Variants in GARNL3 observed in about 807,000 individuals in gnomAD.
The protein encoded by GARNL3 is GTPase-activating Rap/Ran-GAP domain-like protein 3.
GARNL3 carries 63 observed loss-of-function variants against 125.0 expected under a neutral mutation model. That is an observed-to-expected ratio of 0.50 (90% confidence interval 0.41 to 0.62). The LOEUF (loss-of-function observed/expected upper bound fraction) is 0.62. GARNL3 is among the 20% of genes least tolerant of loss of function. GARNL3 has a pLI of 0.00. For synonymous variants in GARNL3, 439 were observed against 457.5 expected, an observed-to-expected ratio of 0.96 and a Z score of 0.52; for missense variants, 994 against 1,244.0, an observed-to-expected ratio of 0.80 and a Z score of 3.02.
chr9:127,279,428 T>C (rs1173349561), intron 1 of GARNL3, among the ~76,000 whole-genome samples: 1 of 152,184 alleles, frequency 6.6e-6, no homozygotes, highest in Admixed American at 6.5e-5. Context: ...TCTTTTTATT[T>C]TCATTTTGTT....
At chr9:127,377,336 C>T (rs1831973713) in intron 22 of GARNL3, among the ~76,000 whole-genome samples, 1 of 151,998 alleles carries the variant, frequency 6.6e-6, no homozygotes, top group Non-Finnish European at 1.5e-5. Context: ...GACAATTGGA[C>T]AAACTTTTGG....
At chr9:127,261,989 T>A (rs1431515076), upstream of GARNL3, among the ~76,000 whole-genome samples, 1 of 152,230 alleles carries the variant, frequency 6.6e-6, no homozygotes, top group Non-Finnish European at 1.5e-5. Context: ...CCACTTTCCC[T>A]AGATCTGCAG....
chr9:127,253,627 G>A (rs1274813172), intron 2 of GARNL3, among the ~76,000 whole-genome samples: 1 of 152,160 alleles, frequency 6.6e-6, no homozygotes, highest in African/African-American at 2.4e-5. Flanking sequence ...GGGCAGCTCA[G>A]CAAATGAAAG....
At chr9:127,260,364 A>T (rs779525367), upstream of GARNL3, among the ~76,000 whole-genome samples, 13 of 152,234 alleles carry the variant, frequency 8.5e-5, no homozygotes. Context: ...ATCACAGATT[A>T]ACTGACTTAC....
chr9:127,235,593 T>A (rs1440539903), intron 1 of GARNL3, among the ~76,000 whole-genome samples: 7 of 152,170 alleles, frequency 4.6e-5, no homozygotes, highest in African/African-American at 1.7e-4. Flanking sequence ...GGATACATAA[T>A]GTGATTGACA....
chr9:127,233,132 G>C (rs190564417), intron 1 of GARNL3, among the ~76,000 whole-genome samples: 1 of 152,094 alleles, frequency 6.6e-6, no homozygotes, highest in Non-Finnish European at 1.5e-5. Flanking sequence ...GCTGAGATGA[G>C]AGGATCACTA....
chr9:127,352,702 A>T lies in GARNL3; in HGVS notation c.1544-1144A>T, dbSNP rs150208766. Among the ~76,000 whole-genome samples, 13 of 152,258 alleles carry T rather than the reference A, an allele frequency of 8.5e-5. No homozygotes were observed. In the East Asian group the frequency reaches 2.5e-3, roughly 29 times the overall value. On this transcript the variant is annotated intron_variant, in intron 17 of 27. Coordinates refer to ENST00000373387, the MANE Select transcript of GARNL3 (RefSeq NM_032293.5). ...ATCTGAGCCCTCAGAGGCCTGCAGGAGTGGGAGCTCCTCTCCCCACTGTGG... is the reference window on the plus strand; with the variant it reads ...ATCTGAGCCCTCAGAGGCCTGCAGGTGTGGGAGCTCCTCTCCCCACTGTGG...
chr9:127,252,255 G>A (rs1337751795), intron 2 of GARNL3, among the ~76,000 whole-genome samples: 2 of 152,114 alleles, frequency 1.3e-5, no homozygotes, highest in East Asian at 3.9e-4. Context: ...AACTAAGAGG[G>A]TAGAGGAAAA....
Position 127,286,502 on chromosome 9 carries a change from C to T in GARNL3, c.145-4666C>T, listed in dbSNP as rs368108332. Among the ~76,000 whole-genome samples, 13 of 152,316 alleles carry T rather than the reference C, an allele frequency of 8.5e-5. No homozygotes were observed. The South Asian group carries it at 1.0e-3, about 12-fold the overall frequency. Reference sequence around the variant, plus strand: ...TTACAGTTTTTCCCAGATATGTTCTCTGTTTTTCATAATCATTTTCCTCTA... The same window carrying T: ...TTACAGTTTTTCCCAGATATGTTCTTTGTTTTTCATAATCATTTTCCTCTA... On this transcript the variant is annotated intron_variant, in intron 1 of 27. Transcript: ENST00000373387.
intron 10 of GARNL3, 50 bp from the exon 11 acceptor site, chr9:127,336,078 G>A: frequency 1.5e-6 from 2 of 1,304,592 alleles, no homozygotes; most frequent in African/African-American, 1.5e-5. Context: ...CTCTGTGAAT[G>A]TGCCATGTTT....
intron 5 of GARNL3, 139 bp downstream of exon 5, chr9:127,318,266 A>G (rs2065295489): frequency 2.9e-6 from 2 of 685,884 alleles, no homozygotes; most frequent in Non-Finnish European, 5.3e-6. Context: ...AGCACTTGAC[A>G]TGACGTGCAT....
At chr9:127,230,066 A>G (rs2062975327) in intron 1 of GARNL3, among the ~76,000 whole-genome samples, 2 of 152,210 alleles carry the variant, frequency 1.3e-5, no homozygotes, top group Admixed American at 1.3e-4. Flanking sequence ...TAAGACACTT[A>G]TGCTGTTAAA....
intron 1 of GARNL3, among the ~76,000 whole-genome samples, chr9:127,237,635 G>A (rs967744678): frequency 1.3e-5 from 2 of 152,178 alleles, no homozygotes; most frequent in African/African-American, 4.8e-5. Context: ...GTAGCCAAAG[G>A]TTCCCTGTAC....
chr9:127,288,350 G>A (rs1014420283), intron 1 of GARNL3, among the ~76,000 whole-genome samples: 16 of 152,190 alleles, frequency 1.1e-4, no homozygotes, highest in African/African-American at 3.1e-4. Context: ...TGTGTCCTTC[G>A]GTGAGAAGAA....
chr9:127,370,466 A>G (rs1831547938), intron 22 of GARNL3, among the ~76,000 whole-genome samples: 2 of 152,314 alleles, frequency 1.3e-5, no homozygotes, highest in South Asian at 4.1e-4. Context: ...TCAGTGAACC[A>G]CAAACACCCA....
chr9:127,374,909 CAAAAAAAAA>C (rs772141471), intron 22 of GARNL3, among the ~76,000 whole-genome samples: 1 of 63,236 alleles, frequency 1.6e-5, no homozygotes, highest in Admixed American at 1.8e-4. Context: ...TCCATCTCTA[CAAAAAAAAA>C]AAAAAAACAA....
chr9:127,361,371 C>T (rs1169936300), intron 21 of GARNL3, among the ~76,000 whole-genome samples: 2 of 151,958 alleles, frequency 1.3e-5, no homozygotes, highest in Non-Finnish European at 2.9e-5. Context: ...CCTACCAAAG[C>T]ACTAGAATTA....
At chr9:127,234,813 C>T (rs1317215455) in intron 1 of GARNL3, among the ~76,000 whole-genome samples, 2 of 152,170 alleles carry the variant, frequency 1.3e-5, no homozygotes, top group East Asian at 3.8e-4. Context: ...GGTGAATAAG[C>T]TCTCTTGGGA....
chr9:127,311,768 G>T (rs1453422251), intron 3 of GARNL3, 33 bp downstream of exon 3: 7 of 1,443,418 alleles, frequency 4.8e-6, no homozygotes, highest in Non-Finnish European at 5.8e-6. Context: ...AGGGAAGAAA[G>T]GGTATTCAAA....
Sources: allele counts gnomAD v4.1 joint callset (sites outside exome capture counted in the v4.1 genomes callset), GRCh38; gene constraint gnomAD v4.1.1; transcripts MANE v1.5; gene names NCBI Gene and HGNC (gene_info 2026-07-23, HGNC 2026-07-21).